ALK: variants seen among roughly 807,000 people sequenced by gnomAD.
ALK encodes the protein ALK receptor tyrosine kinase.
In ALK, 74 loss-of-function variants were observed where a neutral mutation model predicts 163.1. That is an observed-to-expected ratio of 0.45 (90% CI 0.38 to 0.55). The LOEUF is 0.55. ALK is among the 20% of genes least tolerant of loss of function. The pLI is 0.00. For missense variants in ALK, 2,063 were observed against 2,105.3 expected, an observed-to-expected ratio of 0.98 and a Z score of 0.39; for synonymous variants, 960 against 843.2, an observed-to-expected ratio of 1.14 and a Z score of -2.40.
chr2:29,594,462 T>C (rs1675146063), intron 3 of ALK, among the ~76,000 whole-genome samples: 1 of 147,314 alleles, frequency 6.8e-6, no homozygotes, highest in South Asian at 2.2e-4. Flanking sequence ...GGAGTTTTGC[T>C]CTGTCACCCA....
At chr2:29,591,071 A>C (rs1211419701) in intron 3 of ALK, among the ~76,000 whole-genome samples, 2 of 19,170 alleles carry the variant, frequency 1.0e-4, no homozygotes, top group East Asian at 9.9e-4. Flanking sequence ...ACTCCGTCTC[A>C]AAAAAAAAAA....
At chr2:29,739,192 T>A (rs1305322567) in intron 1 of ALK, among the ~76,000 whole-genome samples, 4 of 129,456 alleles carry the variant, frequency 3.1e-5, no homozygotes, top group Admixed American at 2.9e-4. Context: ...TGAGATAAGA[T>A]CATGTCACTG....
At chr2:29,311,954 G>A (rs1473980506) in intron 8 of ALK, among the ~76,000 whole-genome samples, 1 of 152,066 alleles carries the variant, frequency 6.6e-6, no homozygotes, top group Non-Finnish European at 1.5e-5. Context: ...TGCTGGCTGG[G>A]GAGAGGAGCT....
At chr2:29,428,081 G>A (rs1183620453) in intron 4 of ALK, among the ~76,000 whole-genome samples, 4 of 151,970 alleles carry the variant, frequency 2.6e-5, no homozygotes, top group African/African-American at 9.7e-5. Flanking sequence ...TGAGATAAAT[G>A]AAAACAAAGA....
intron 9 of ALK, among the ~76,000 whole-genome samples, chr2:29,278,364 A>G (rs1381515082): frequency 6.6e-6 from 1 of 152,178 alleles, no homozygotes; most frequent in East Asian, 1.9e-4. Context: ...CTAACAGGAC[A>G]GTGGCAAGAT....
intron 1 of ALK, among the ~76,000 whole-genome samples, chr2:29,759,200 T>C (rs1680630056): frequency 1.3e-5 from 2 of 152,236 alleles, no homozygotes; most frequent in Admixed American, 6.5e-5. Context: ...TATTGTACTT[T>C]CCTATTCCTT....
intron 3 of ALK, among the ~76,000 whole-genome samples, chr2:29,548,707 A>G (rs1471238227): frequency 1.3e-5 from 2 of 152,188 alleles, no homozygotes; most frequent in African/African-American, 4.8e-5. Flanking sequence ...TGCCAAGTAC[A>G]GTGTTTCTTC....
At chr2:29,450,401 A>G (rs532273436) in intron 4 of ALK, among the ~76,000 whole-genome samples, 1 of 152,282 alleles carries the variant, frequency 6.6e-6, no homozygotes, top group East Asian at 1.9e-4. Context: ...TAACTAGGAC[A>G]ATTCCAGGGC....
chr2:29,215,739 T>C (rs1669586886), intron 23 of ALK, among the ~76,000 whole-genome samples: 1 of 152,112 alleles, frequency 6.6e-6, no homozygotes, highest in South Asian at 2.1e-4. Context: ...GCACACCAAA[T>C]GCAGAATACA....
At position 29,581,389 on chromosome 2, in the gene ALK, A is replaced by C. The variant is rs570556629; in HGVS notation, c.953-49273T>G. Among the ~76,000 whole-genome samples, 3 of 152,150 alleles carry C rather than the reference A, an allele frequency of 2.0e-5. No individual in the cohort carries two copies. The East Asian group carries it at 5.8e-4, about 29-fold the overall frequency. The stretch of plus-strand genomic sequence containing the variant: ...GGCGACAGAGTGAGGATCCATCTCA[A>C]ATAAAATAAAATAAAATAAAAGAGT... On this transcript the variant is annotated intron_variant, in intron 3 of 28. Coordinates refer to ENST00000389048, the MANE Select transcript of ALK (RefSeq NM_004304.5).
At chr2:29,755,461 T>C (rs1680492397) in intron 1 of ALK, among the ~76,000 whole-genome samples, 1 of 152,336 alleles carries the variant, frequency 6.6e-6, no homozygotes, top group East Asian at 1.9e-4. Context: ...AGCACCTATT[T>C]CTGCAGACTA....
chr2:29,786,234 A>G (rs1246499618), intron 1 of ALK, among the ~76,000 whole-genome samples: 2 of 151,702 alleles, frequency 1.3e-5, no homozygotes, highest in Non-Finnish European at 2.9e-5. Flanking sequence ...TCTTTCCCTT[A>G]TATTATCTGA....
chr2:29,863,164 G>A (rs898933394), intron 1 of ALK, among the ~76,000 whole-genome samples: 4 of 152,098 alleles, frequency 2.6e-5, no homozygotes, highest in African/African-American at 9.7e-5. Context: ...AAAACCACAA[G>A]AAGAAAACAT....
chr2:29,886,221 T>C (rs1260741946), intron 1 of ALK, among the ~76,000 whole-genome samples: 1 of 152,262 alleles, frequency 6.6e-6, no homozygotes, highest in African/African-American at 2.4e-5. Flanking sequence ...AAGTATGTGT[T>C]AACTGACTGT....
chr2:29,388,286 C>T (rs568589650), intron 4 of ALK, among the ~76,000 whole-genome samples: 147 of 152,304 alleles, frequency 9.7e-4, no homozygotes, highest in Non-Finnish European at 1.5e-3. Flanking sequence ...TATGACAACA[C>T]GTGAGGACCA....
At chr2:29,234,573 A>T (rs920001739) in intron 13 of ALK, among the ~76,000 whole-genome samples, 1 of 152,010 alleles carries the variant, frequency 6.6e-6, no homozygotes, top group South Asian at 2.1e-4. Flanking sequence ...GAGCCCTGCA[A>T]TCAGGTAGTC....
At chr2:29,576,921 A>G (rs998844126) in intron 3 of ALK, among the ~76,000 whole-genome samples, 1 of 151,938 alleles carries the variant, frequency 6.6e-6, no homozygotes, top group African/African-American at 2.4e-5. Flanking sequence ...CACCAATTCT[A>G]CATTATGGTG....
At chr2:29,807,169 G>A (rs998903083) in intron 1 of ALK, among the ~76,000 whole-genome samples, 3 of 152,262 alleles carry the variant, frequency 2.0e-5, no homozygotes, top group South Asian at 2.1e-4. Context: ...CCAAGAGCTC[G>A]CCTTTCCTAT....
chr2:29,419,008 T>A (rs7421353), intron 4 of ALK, among the ~76,000 whole-genome samples: 1 of 151,070 alleles, frequency 6.6e-6, no homozygotes, highest in Non-Finnish European at 1.5e-5. Flanking sequence ...CTCTCAATAA[T>A]CCTATATTCT....
Sources: allele counts gnomAD v4.1 joint callset (sites outside exome capture counted in the v4.1 genomes callset), GRCh38; gene constraint gnomAD v4.1.1; transcripts MANE v1.5; gene names NCBI Gene and HGNC (gene_info 2026-07-23, HGNC 2026-07-21).